RAP1GDS1: variants seen among roughly 807,000 people sequenced by gnomAD.
The protein encoded by RAP1GDS1 is RAP1, GTP-GDP dissociation stimulator 1.
RAP1GDS1 carries 35 observed loss-of-function variants against 71.1 expected under a neutral mutation model. That is an observed-to-expected ratio of 0.49 (90% CI 0.38 to 0.65). RAP1GDS1 has a LOEUF of 0.65. RAP1GDS1 is among the 30% of genes least tolerant of loss of function. The pLI is 0.00. For missense variants in RAP1GDS1, 663 were observed against 706.1 expected, an observed-to-expected ratio of 0.94 and a Z score of 0.69; for synonymous variants, 229 against 243.1, an observed-to-expected ratio of 0.94 and a Z score of 0.54.
intron 2 of RAP1GDS1, chr4:98,296,970 T>C: frequency 3.4e-6 from 1 of 295,344 alleles, no homozygotes; most frequent in Non-Finnish European, 6.6e-6. Context: ...CCATACAGCT[T>C]TAAACTCTCT....
intron 6 of RAP1GDS1, among the ~76,000 whole-genome samples, chr4:98,403,334 A>G (rs1277889322): frequency 6.6e-6 from 1 of 152,178 alleles, no homozygotes; most frequent in East Asian, 1.9e-4. Flanking sequence ...TTGGAGAGAA[A>G]TGGAATGGAT....
intron 5 of RAP1GDS1, among the ~76,000 whole-genome samples, chr4:98,384,349 CTG>C (rs1173596350): frequency 6.6e-6 from 1 of 151,456 alleles, no homozygotes; most frequent in Admixed American, 6.6e-5. Flanking sequence ...ATTATACTAA[CTG>C]TTGTTCTTTA....
intron 1 of RAP1GDS1, among the ~76,000 whole-genome samples, chr4:98,288,902 A>AT (rs552706003): frequency 7.2e-4 from 110 of 152,116 alleles, no homozygotes; most frequent in Non-Finnish European, 1.3e-3. Context: ...GAGAAGCATG[A>AT]TTTTTTTTCA....
chr4:98,414,404 G>A (rs76943333), intron 7 of RAP1GDS1, among the ~76,000 whole-genome samples: 15,787 of 111,588 alleles, frequency 0.14, 1,419 homozygotes, highest in South Asian at 0.17. Flanking sequence ...AAGGTGTAAG[G>A]AAGGGATCCA....
At chr4:98,268,979 A>G (rs2110226697) in intron 1 of RAP1GDS1, among the ~76,000 whole-genome samples, 1 of 152,212 alleles carries the variant, frequency 6.6e-6, no homozygotes, top group South Asian at 2.1e-4. Context: ...TGGAACCACA[A>G]AAGATCTGAA....
intron 6 of RAP1GDS1, among the ~76,000 whole-genome samples, chr4:98,395,648 G>A (rs988109160): frequency 6.6e-5 from 10 of 152,042 alleles, no homozygotes; most frequent in South Asian, 4.2e-4. Flanking sequence ...TAGCTCTGTC[G>A]GTCAGCTCTG....
chr4:98,405,175 CA>C (rs1365964983), intron 7 of RAP1GDS1, among the ~76,000 whole-genome samples: 1 of 152,038 alleles, frequency 6.6e-6, no homozygotes, highest in Admixed American at 6.6e-5. Context: ...GACACTGATT[CA>C]AAACAGGTGT....
intron 4 of RAP1GDS1, among the ~76,000 whole-genome samples, chr4:98,362,130 G>T (rs1738832098): frequency 6.6e-6 from 1 of 152,134 alleles, no homozygotes; most frequent in South Asian, 2.1e-4. Flanking sequence ...GTAAGCATTA[G>T]AATTTAATTT....
intron 1 of RAP1GDS1, among the ~76,000 whole-genome samples, chr4:98,283,432 A>G (rs1357105030): frequency 1.3e-5 from 2 of 152,198 alleles, no homozygotes; most frequent in African/African-American, 4.8e-5. Flanking sequence ...TCAAATGAGC[A>G]ACACAAGACT....
At chr4:98,356,259 C>G (rs779096598) in intron 4 of RAP1GDS1, among the ~76,000 whole-genome samples, 1 of 152,064 alleles carries the variant, frequency 6.6e-6, no homozygotes, top group African/African-American at 2.4e-5. Context: ...ATTTACACTT[C>G]CTTTTCAAAG....
intron 1 of RAP1GDS1, among the ~76,000 whole-genome samples, chr4:98,290,746 C>T (rs188685797): frequency 2.0e-5 from 3 of 152,214 alleles, no homozygotes; most frequent in South Asian, 2.1e-4. Flanking sequence ...GAAGTTGCAT[C>T]AGGTTTTATC....
intron 2 of RAP1GDS1, among the ~76,000 whole-genome samples, chr4:98,329,216 G>T (rs1156371234): frequency 6.6e-6 from 1 of 152,108 alleles, no homozygotes; most frequent in Admixed American, 6.5e-5. Flanking sequence ...GTCAAATAAG[G>T]AGAAAATGCA....
At chr4:98,379,240 TA>T (rs770117817) in intron 5 of RAP1GDS1, 77 bp downstream of exon 5, 20 of 1,263,510 alleles carry the variant, frequency 1.6e-5, no homozygotes, top group Non-Finnish European at 2.1e-5. Flanking sequence ...AAAACAAAAA[TA>T]TTTGAAAAAT....
chr4:98,426,095 T>C (rs1749567522), intron 12 of RAP1GDS1, among the ~76,000 whole-genome samples: 1 of 152,082 alleles, frequency 6.6e-6, no homozygotes, highest in Non-Finnish European at 1.5e-5. Context: ...TGCAAATACA[T>C]GGAAATTAAA....
intron 4 of RAP1GDS1, among the ~76,000 whole-genome samples, chr4:98,378,401 ACAAAT>A (rs1741491531): frequency 6.6e-6 from 1 of 151,896 alleles, no homozygotes; most frequent in Non-Finnish European, 1.5e-5. Flanking sequence ...GAAAAAAGAA[ACAAAT>A]CAAGAATGAA....
At chr4:98,408,090 T>TTATA (rs201953501) in intron 7 of RAP1GDS1, among the ~76,000 whole-genome samples, 5 of 143,932 alleles carry the variant, frequency 3.5e-5, no homozygotes, top group African/African-American at 1.4e-4. Context: ...CCCATATATT[T>TTATA]TATATATATA....
At chr4:98,267,001 G>A (rs1722790677) in intron 1 of RAP1GDS1, among the ~76,000 whole-genome samples, 1 of 152,120 alleles carries the variant, frequency 6.6e-6, no homozygotes, top group Non-Finnish European at 1.5e-5. Context: ...AACATCAGGA[G>A]GAATGAAGGA....
intron 7 of RAP1GDS1, among the ~76,000 whole-genome samples, chr4:98,406,414 A>C (rs1359276509): frequency 2.6e-5 from 4 of 152,030 alleles, no homozygotes; most frequent in Non-Finnish European, 5.9e-5. Flanking sequence ...AGTAAAATAG[A>C]TTTTAAGATG....
chr4:98,440,239 A>AC (rs762852040), intron 14 of RAP1GDS1, among the ~76,000 whole-genome samples: 2 of 152,176 alleles, frequency 1.3e-5, no homozygotes, highest in East Asian at 1.9e-4. Context: ...CAATCCATGG[A>AC]CATTTGGGCC....
Sources: gnomAD v4.1 joint callset for allele counts (sites outside exome capture counted in the v4.1 genomes callset) on GRCh38, gnomAD v4.1.1 for gene constraint, MANE v1.5 for transcripts, NCBI Gene and HGNC (gene_info 2026-07-23, HGNC 2026-07-21) for gene names.